The following SDK1 variants were observed in gnomAD, a reference collection of about 807,000 sequenced individuals.
The protein encoded by SDK1 is sidekick cell adhesion molecule 1, also known as protein sidekick-1.
SDK1 carries 157 observed loss-of-function variants against 245.5 expected under a neutral mutation model. The observed-to-expected ratio is 0.64, with a 90% CI of 0.56 to 0.73. The LOEUF (loss-of-function observed/expected upper bound fraction) is 0.73, where lower values mean the gene tolerates loss of function less well. Among genes scored for constraint, SDK1 ranks in the 30% least tolerant of loss-of-function variants. The pLI, the probability that SDK1 is intolerant of heterozygous loss-of-function variation, is 0.00. For missense variants in SDK1, 3,583 were observed against 3,002.3 expected (o/e 1.19, Z -4.52); for synonymous variants, 1,647 against 1,278.5 (o/e 1.29, Z -6.15).
rs546116791 is a variant in SDK1, at chr7:4,086,743, A to G, written c.3324+7159A>G. Among the ~76,000 whole-genome samples, 9 of 152,274 alleles carry G rather than the reference A, an allele frequency of 5.9e-5. 1 individual carries two copies. The South Asian group carries it at 1.9e-3, about 32-fold the overall frequency. On this transcript the variant is annotated intron_variant, in intron 22 of 44. Transcript: ENST00000404826. The stretch of plus-strand genomic sequence containing the variant: ...ATGTAAGGTTCTTACCCTTAATCAC[A>G]TCTGCAGAGCCTCTCCTGCCACATA...
At chr7:3,944,308 T>G (rs1313574588) in intron 5 of SDK1, among the ~76,000 whole-genome samples, 1 of 152,272 alleles carries the variant, frequency 6.6e-6, no homozygotes, top group Non-Finnish European at 1.5e-5. Flanking sequence ...GGGCAACATG[T>G]GTAAATCATT....
chr7:4,198,065 C>T (rs754527411), intron 35 of SDK1, among the ~76,000 whole-genome samples: 1 of 151,402 alleles, frequency 6.6e-6, no homozygotes, highest in Admixed American at 6.6e-5. Context: ...AGCACTGAGA[C>T]AGAGGGCTGC....
In SDK1 at chr7:3,525,228, C is replaced by T. The variant is rs533476046; in HGVS notation, c.299-93852C>T. On this transcript the variant is annotated intron_variant, in intron 1 of 44. Coordinates refer to ENST00000404826, the MANE Select transcript of SDK1 (RefSeq NM_152744.4). ...CCCTGGAACCAATGCCCGTGGATCCCAAGGGATGACTGTATGCCTGTACGT... is the reference window on the plus strand; with the variant it reads ...CCCTGGAACCAATGCCCGTGGATCCTAAGGGATGACTGTATGCCTGTACGT... 3.8e-4 allele frequency among the ~76,000 whole-genome samples: 57 copies of T among 151,820 alleles called. 1 individual carries two copies. The highest frequency in any genetic ancestry group is 3.4e-3 in the Middle Eastern group (1 of 294).
At chr7:3,789,507 A>G (rs186955731) in intron 4 of SDK1, among the ~76,000 whole-genome samples, 2 of 152,332 alleles carry the variant, frequency 1.3e-5, no homozygotes, top group African/African-American at 4.8e-5. Flanking sequence ...CCTTCTTAAA[A>G]TTAGTTATTT....
intron 1 of SDK1, among the ~76,000 whole-genome samples, chr7:3,314,698 A>T (rs1779622954): frequency 2.0e-5 from 3 of 152,236 alleles, no homozygotes; most frequent in South Asian, 4.1e-4. Context: ...TGGAATGAAA[A>T]GCATGAAATA....
chr7:3,960,321 A>T (rs1781580966), intron 8 of SDK1, among the ~76,000 whole-genome samples: 1 of 152,230 alleles, frequency 6.6e-6, no homozygotes, highest in African/African-American at 2.4e-5. Flanking sequence ...TCCACATGGT[A>T]ATGGAGGCAG....
intron 4 of SDK1, among the ~76,000 whole-genome samples, chr7:3,761,228 C>T (rs954239107): frequency 1.4e-5 from 2 of 146,276 alleles, no homozygotes; most frequent in African/African-American, 5.0e-5. Flanking sequence ...ATTGAAAAAT[C>T]CAGTAGTTTT....
chr7:3,312,953 T>G (rs1322023009), intron 1 of SDK1, among the ~76,000 whole-genome samples: 2 of 152,144 alleles, frequency 1.3e-5, no homozygotes, highest in Admixed American at 1.3e-4. Flanking sequence ...AGATGAAGCC[T>G]TAGAAAATAA....
intron 14 of SDK1, among the ~76,000 whole-genome samples, chr7:3,999,078 T>C (rs368454962): frequency 6.6e-6 from 1 of 152,212 alleles, no homozygotes; most frequent in African/African-American, 2.4e-5. Context: ...ATTTTCACTT[T>C]AGAATATCCT....
At chr7:4,065,459 T>TGAG (rs10654728) in intron 19 of SDK1, among the ~76,000 whole-genome samples, 39,087 of 151,830 alleles carry the variant, frequency 0.26, 7,597 homozygotes, top group African/African-American at 0.56. Flanking sequence ...AGCAGAAACA[T>TGAG]AATATAAAAG....
At chr7:3,743,534 C>A (rs1485537198) in intron 4 of SDK1, among the ~76,000 whole-genome samples, 7 of 152,156 alleles carry the variant, frequency 4.6e-5, no homozygotes, top group Admixed American at 4.6e-4. Context: ...TGCACTTATA[C>A]CCTCCAGACC....
At chr7:3,317,434 C>T (rs1583673876) in intron 1 of SDK1, among the ~76,000 whole-genome samples, 1 of 152,040 alleles carries the variant, frequency 6.6e-6, no homozygotes, top group African/African-American at 2.4e-5. Flanking sequence ...AGCAAGAATT[C>T]CTTTTCCTTT....
At chr7:3,328,141 G>T (rs1256692686) in intron 1 of SDK1, among the ~76,000 whole-genome samples, 1 of 152,158 alleles carries the variant, frequency 6.6e-6, no homozygotes, top group South Asian at 2.1e-4. Flanking sequence ...GAAGAATAAT[G>T]TGGAAATCTG....
At chr7:3,905,297 A>G (rs756210858) in intron 5 of SDK1, among the ~76,000 whole-genome samples, 8 of 152,264 alleles carry the variant, frequency 5.3e-5, no homozygotes, top group South Asian at 2.1e-4. Flanking sequence ...TAATGCCGCA[A>G]TGAATATTTG....
intron 1 of SDK1, among the ~76,000 whole-genome samples, chr7:3,594,161 A>G (rs529862882): frequency 6.6e-6 from 1 of 152,270 alleles, no homozygotes; most frequent in Non-Finnish European, 1.5e-5. Context: ...CCTACTTTGT[A>G]TAGATTTGCC....
chr7:3,973,186 A>C (rs1388017332), intron 12 of SDK1, among the ~76,000 whole-genome samples: 1 of 152,180 alleles, frequency 6.6e-6, no homozygotes, highest in Non-Finnish European at 1.5e-5. Context: ...GTAAGTGACC[A>C]GCCAGCCAGA....
intron 1 of SDK1, among the ~76,000 whole-genome samples, chr7:3,607,107 T>G (rs1239109350): frequency 6.6e-6 from 1 of 152,094 alleles, no homozygotes; most frequent in African/African-American, 2.4e-5. Flanking sequence ...GTGAAGCCCC[T>G]AAACTGGCCA....
rs145005422 is a variant in SDK1 at position 4,000,975 on chromosome 7, A to G, written c.2132-9991A>G. Among the ~76,000 whole-genome samples the G allele has an allele frequency of 3.1e-4, 47 of 152,046 alleles. 1 individual carries two copies. The East Asian group carries it at 8.4e-3, about 27-fold the overall frequency. On this transcript the variant is annotated intron_variant, in intron 14 of 44. Transcript: ENST00000404826. ...GGGGCTGAGGTCTGCTTCTGCGTTC[A>G]CTTCCTGTTAGCTTCCTGCCCTCAC... is the stretch of plus-strand genomic sequence containing the variant.
rs1416147764 is a variant in SDK1, at chr7:4,200,854, A to T, written c.5099-5025A>T. Among the ~76,000 whole-genome samples the T allele has an allele frequency of 2.6e-5, 4 of 152,384 alleles. No homozygotes were observed. The East Asian group carries it at 7.7e-4, about 29-fold the overall frequency. ...GGATCTGCAAACAGCTCAGGGGCCA[A>T]ATCCAGCCCATTACCTGTTCTTGTA... On this transcript the variant is annotated intron_variant, in intron 35 of 44. Transcript: ENST00000404826.
Sources: gnomAD v4.1 joint callset for allele counts (sites outside exome capture counted in the v4.1 genomes callset) on GRCh38, gnomAD v4.1.1 for gene constraint, MANE v1.5 for transcripts, NCBI Gene and HGNC (gene_info 2026-07-23, HGNC 2026-07-21) for gene names.